Variants in EMP3 observed in about 807,000 individuals in gnomAD.
EMP3 encodes epithelial membrane protein 3.
In EMP3, 15 loss-of-function variants were observed where a neutral mutation model predicts 21.6. The ratio of observed to expected loss-of-function variants is 0.69; its 90% confidence interval spans 0.46 to 1.07. The LOEUF (loss-of-function observed/expected upper bound fraction) is 1.07. EMP3 is among the 50% of genes least tolerant of loss of function. EMP3 has a pLI of 0.00. For missense variants in EMP3, 183 were observed against 206.6 expected (o/e 0.89, Z 0.70); for synonymous variants, 107 against 86.1 (o/e 1.24, Z -1.34).
At chr19:48,330,200 C>T in intron 4 of EMP3, 101 bp from the exon 5 acceptor site, 1 of 1,441,978 alleles carries the variant, frequency 6.9e-7, no homozygotes, top group Non-Finnish European at 9.1e-7. Context: ...CAGGCAGCGG[C>T]GCTGCCCACG....
chr19:48,326,075 C>G (rs1381201949), intron 1 of EMP3: 2 of 150,148 alleles, frequency 1.3e-5, no homozygotes, highest in South Asian at 2.1e-4. Flanking sequence ...GTGGACATAG[C>G]CAGGGGCTGG....
rs1969142911 is a variant in EMP3 at position 48,327,572 on chromosome 19, A to T, written c.130A>T (p.Thr44Ser). 6.2e-7 allele frequency: 1 copy of T among 1,613,806 alleles called. No individual in the cohort carries two copies. Among genetic ancestry groups the T allele is most frequent in the Admixed American group, 1.7e-5 (1 of 59,956 alleles). The change falls in exon 3 of 5, where the codon ACG becomes TCG. Residue 44 changes from threonine (T) to serine (S), a missense_variant. Coordinates refer to ENST00000270221, the MANE Select transcript of EMP3 (RefSeq NM_001425.3). ...GTCCCTGAATCTCTGGTACGACTGCACGTGGAACAACGACACCAAAACATG... is the reference window on the plus strand; with the variant it reads ...GTCCCTGAATCTCTGGTACGACTGCTCGTGGAACAACGACACCAAAACATG... Reference protein sequence around the residue: ...KESLNLWYDCTWNNDTKTWAC... With the variant: ...KESLNLWYDCSWNNDTKTWAC...
At position 48,329,621 on chromosome 19, in the gene EMP3, C is replaced by T; in HGVS notation, c.322+129C>T. 1 of 1,232,562 alleles carries T rather than the reference C, an allele frequency of 8.1e-7. No homozygotes were observed. The highest frequency in any genetic ancestry group is 1.1e-6 in the Non-Finnish European group (1 of 892,466). The allele number at this position is 1,232,562 out of a possible 1,614,324, so 76.4% of individuals were successfully genotyped here. On this transcript the variant is annotated intron_variant, in intron 4 of 4. Transcript: ENST00000270221. This position sits in a 1 kb window ranked among gnomAD's most constrained non-coding sequence, Gnocchi z 4.5. ...AAAACAACTTTCAACACCCCACGAG[C>T]CACAAGAGGTGCCTCCGTGGGCTAC...
chr19:48,329,948 G>A lies in EMP3; in HGVS notation c.323-353G>A, dbSNP rs1358156405. On this transcript the variant is annotated intron_variant, in intron 4 of 4. Transcript: ENST00000270221. This position sits in a 1 kb window ranked among gnomAD's most constrained non-coding sequence, Gnocchi z 4.5. ...AGTTTTGCGTACTTTTTAATTTTTT[G>A]ACTTAAGGTGCAAAGGGCTAACTTA... is the stretch of plus-strand genomic sequence containing the variant. Among the ~76,000 whole-genome samples, 2 of 152,070 alleles carry A rather than the reference G, an allele frequency of 1.3e-5. No homozygotes were observed. Among genetic ancestry groups the A allele is most frequent in the African/African-American group, 2.4e-5 (1 of 41,382 alleles).
chr19:48,329,577 AATG>A lies in EMP3; in HGVS notation c.322+86_322+88del. The A allele has an allele frequency of 6.5e-7, 1 of 1,543,188 alleles. No individual in the cohort carries two copies. The highest frequency in any genetic ancestry group is 8.8e-7 in the Non-Finnish European group (1 of 1,137,184). ...GTGTCAAGATGCTGGGGGCCCTGAG[AATG>A]GGCCTCTCGTAGAAAAAAACAACTT... On this transcript the variant is annotated intron_variant, in intron 4 of 4. Coordinates refer to ENST00000270221, the MANE Select transcript of EMP3 (RefSeq NM_001425.3). This position sits in a 1 kb window ranked among gnomAD's most constrained non-coding sequence, Gnocchi z 4.5.
chr19:48,329,166 G>A lies in EMP3; in HGVS notation c.182-186G>A, dbSNP rs1278649353. 2 of 676,372 alleles carry A rather than the reference G, an allele frequency of 3.0e-6. No individual in the cohort carries two copies. Among genetic ancestry groups the A allele is most frequent in the African/African-American group, 1.8e-5 (1 of 54,558 alleles). 41.9% of individuals were successfully genotyped at this position (676,372 alleles called of 1,614,324 possible). On this transcript the variant is annotated intron_variant, in intron 3 of 4. Transcript: ENST00000270221. This position sits in a 1 kb window ranked among gnomAD's most constrained non-coding sequence, Gnocchi z 4.5. Reference sequence around the variant, plus strand: ...AATTGGCAAAGCAACTACTAGAACTGAGAAGGGAATATAGCAAGGTAACAG... The same window carrying A: ...AATTGGCAAAGCAACTACTAGAACTAAGAAGGGAATATAGCAAGGTAACAG...
rs1969179461 is a variant in EMP3, at chr19:48,329,881, C to T, written c.322+389C>T. On this transcript the variant is annotated intron_variant, in intron 4 of 4. Coordinates refer to ENST00000270221, the MANE Select transcript of EMP3 (RefSeq NM_001425.3). The surrounding 1 kb of genome is among the most constrained non-coding windows in gnomAD (Gnocchi z 4.5). ...AATAATGGTATTTATATCAGCCAAC[C>T]GCTGTTTCTTGCGTGCCTATTGTGC... 6.6e-6 allele frequency among the ~76,000 whole-genome samples: 1 copy of T among 152,148 alleles called. No individual in the cohort carries two copies. The highest frequency in any genetic ancestry group is 2.1e-4 in the South Asian group (1 of 4,830).
chr19:48,328,706 C>T (rs57143359), intron 3 of EMP3, among the ~76,000 whole-genome samples: 4,501 of 152,240 alleles, frequency 0.03, 231 homozygotes, highest in African/African-American at 0.1. Flanking sequence ...TTCTATTCAA[C>T]CTTTTACTGG....
intron 3 of EMP3, 180 bp downstream of exon 3, chr19:48,327,803 G>GT (rs372351440): frequency 9.8e-5 from 56 of 568,998 alleles, no homozygotes; most frequent in Non-Finnish European, 1.1e-4. Flanking sequence ...CCTACCTCTT[G>GT]TTTTTTTTGT....
intron 4 of EMP3, among the ~76,000 whole-genome samples, chr19:48,330,100 T>C (rs142614584): frequency 6.0e-4 from 92 of 152,290 alleles, no homozygotes; most frequent in African/African-American, 1.9e-3. Context: ...TAGAGAGATA[T>C]TATTGGACCT....
In EMP3 at chr19:48,329,617, C is replaced by T. The variant is rs562225605; in HGVS notation, c.322+125C>T. Reference sequence around the variant, plus strand: ...GAAAAAAACAACTTTCAACACCCCACGAGCCACAAGAGGTGCCTCCGTGGG... The same window carrying T: ...GAAAAAAACAACTTTCAACACCCCATGAGCCACAAGAGGTGCCTCCGTGGG... On this transcript the variant is annotated intron_variant, in intron 4 of 4. Transcript: ENST00000270221. The surrounding 1 kb of genome is among the most constrained non-coding windows in gnomAD (Gnocchi z 4.5). 1 of 1,265,122 alleles carries T rather than the reference C, an allele frequency of 7.9e-7. No individual in the cohort carries two copies. Among genetic ancestry groups the T allele is most frequent in the Admixed American group, 2.6e-5 (1 of 38,892 alleles). 78.4% of individuals were successfully genotyped at this position (1,265,122 alleles called of 1,614,324 possible).
rs761441717 is a variant in EMP3, at chr19:48,330,513, C to T, written c.*43C>T. 2 of 1,509,934 alleles carry T rather than the reference C, an allele frequency of 1.3e-6. No individual in the cohort carries two copies. Among genetic ancestry groups the T allele is most frequent in the South Asian group, 2.5e-5 (2 of 81,190 alleles). 93.5% of individuals were successfully genotyped at this position (1,509,934 alleles called of 1,614,324 possible). On this transcript the variant is annotated 3_prime_UTR_variant, in exon 5 of 5. Transcript: ENST00000270221. ...GCTGCCCCCGCCCCTTCCCGGCCCC[C>T]CTCGCCGCGCGTCCTCCAAAAAATA...
intron 3 of EMP3, among the ~76,000 whole-genome samples, chr19:48,328,411 C>CAAAAAAAAA (rs746709296): frequency 1.2e-5 from 1 of 80,654 alleles, no homozygotes; most frequent in Admixed American, 1.4e-4. Context: ...GATTCTGTCT[C>CAAAAAAAAA]AAAAAAAAAA....
intron 3 of EMP3, 115 bp downstream of exon 3, chr19:48,327,738 A>G: frequency 2.2e-6 from 2 of 915,962 alleles, no homozygotes; most frequent in Non-Finnish European, 3.5e-6. Flanking sequence ...GGCGGGGTCC[A>G]GGCCTGAGTG....
rs1171757186 is a variant in EMP3, at chr19:48,329,300, C to A, written c.182-52C>A. 2.5e-5 allele frequency: 41 copies of A among 1,608,632 alleles called. 1 individual carries two copies. The highest frequency in any genetic ancestry group is 3.4e-5 in the Non-Finnish European group (40 of 1,176,912). ...TCACATGGTGAGCAAGCAGGTGAAG[C>A]TGGAACTCTGGACCCACGGTGATGT... On this transcript the variant is annotated intron_variant, in intron 3 of 4. Coordinates refer to ENST00000270221, the MANE Select transcript of EMP3 (RefSeq NM_001425.3). This position sits in a 1 kb window ranked among gnomAD's most constrained non-coding sequence, Gnocchi z 4.5.
Position 48,329,934 on chromosome 19 carries a change from C to CT in EMP3, c.323-362dup, listed in dbSNP as rs1299132606. On this transcript the variant is annotated intron_variant, in intron 4 of 4. Coordinates refer to ENST00000270221, the MANE Select transcript of EMP3 (RefSeq NM_001425.3). This position sits in a 1 kb window ranked among gnomAD's most constrained non-coding sequence, Gnocchi z 4.5. ...CAGATACTTCAAGAAGTTTTGCGTA[C>CT]TTTTTAATTTTTTGACTTAAGGTGC... Among the ~76,000 whole-genome samples the CT allele has an allele frequency of 1.3e-5, 2 of 152,162 alleles. No homozygotes were observed. Among genetic ancestry groups the CT allele is most frequent in the African/African-American group, 4.8e-5 (2 of 41,422 alleles).
Position 48,329,415 on chromosome 19 carries a change from TC to T in EMP3, c.247del (p.Leu83CysfsTer34), listed in dbSNP as rs1394101002. The T allele has an allele frequency of 1.2e-6, 2 of 1,612,412 alleles. No homozygotes were observed. Among genetic ancestry groups the T allele is most frequent in the Non-Finnish European group, 1.7e-6 (2 of 1,179,380 alleles). On this transcript the variant is annotated frameshift_variant, in exon 4 of 5. Coordinates refer to ENST00000270221, the MANE Select transcript of EMP3 (RefSeq NM_001425.3). LOFTEE classifies it high-confidence loss of function. This position sits in a 1 kb window ranked among gnomAD's most constrained non-coding sequence, Gnocchi z 4.5. ...CTCATTCTCTGCTGTCTCTCCTTCA[TC>T]CTGTTCATGTTCCAGCTCTACACCA... ...LSLILCCLSFILFMFQLYTMR... is the reference protein window; with the variant it reads ...LSLILCCLSFXLFMFQLYTMR...
At chr19:48,327,070 TCC>T (rs1407002930) in intron 2 of EMP3, 148 bp downstream of exon 2, 3 of 737,968 alleles carry the variant, frequency 4.1e-6, no homozygotes, top group Non-Finnish European at 6.7e-6. Context: ...TCTCACTCTG[TCC>T]CCCAGGCTGG....
chr19:48,326,886 CATTCTT>C lies in EMP3; in HGVS notation c.45_50del (p.Ile17_Leu18del), dbSNP rs1469107303. On this transcript the variant is annotated inframe_deletion, in exon 2 of 5. Coordinates refer to ENST00000270221, the MANE Select transcript of EMP3 (RefSeq NM_001425.3). Reference sequence around the variant, plus strand: ...TGGTGGTCTCAGCCCTTCACATCCTCATTCTTATACTGCTTTTCGTGGCCACTTTGG... The same window carrying C: ...TGGTGGTCTCAGCCCTTCACATCCTCATACTGCTTTTCGTGGCCACTTTGG... 6.2e-7 allele frequency: 1 copy of C among 1,614,120 alleles called. No individual in the cohort carries two copies. Among genetic ancestry groups the C allele is most frequent in the East Asian group, 2.2e-5 (1 of 44,874 alleles).
Sources: gnomAD v4.1 joint callset for allele counts (sites outside exome capture counted in the v4.1 genomes callset) on GRCh38, gnomAD v4.1.1 for gene constraint, Gnocchi (gnomAD v3.1) non-coding constraint, MANE v1.5 for transcripts, NCBI Gene and HGNC (gene_info 2026-07-23, HGNC 2026-07-21) for gene names.